The following RAD18 variants were observed in gnomAD, a reference collection of about 807,000 sequenced individuals.
RAD18 encodes RAD18 E3 ubiquitin protein ligase.
Under a neutral mutation model 60.4 loss-of-function variants are expected in RAD18, and 47 were observed. The ratio of observed to expected loss-of-function variants is 0.78; its 90% confidence interval spans 0.62 to 0.99. The LOEUF (loss-of-function observed/expected upper bound fraction) is 0.99, where lower values mean the gene tolerates loss of function less well. RAD18 is among the 50% of genes least tolerant of loss of function. The probability of loss-of-function intolerance (pLI) is 0.00; values close to 1 mark genes in which losing one functional copy is unlikely to be tolerated. For missense variants in RAD18, 640 were observed against 593.3 expected, an observed-to-expected ratio of 1.08 and a Z score of -0.82; for synonymous variants, 225 against 195.5, an observed-to-expected ratio of 1.15 and a Z score of -1.26.
rs537880184 is a variant in RAD18 at position 8,888,066 on chromosome 3, C to T, written c.1385+2323G>A. 2.0e-5 allele frequency among the ~76,000 whole-genome samples: 3 copies of T among 152,340 alleles called. No homozygotes were observed. The South Asian group carries it at 6.2e-4, about 32-fold the overall frequency. The stretch of plus-strand genomic sequence containing the variant: ...AAATTATTCAAACTAGCCAGTCCTG[C>T]ACTGTTCACCCCACCCTGCCTTGCC... On this transcript the variant is annotated intron_variant, in intron 12 of 12. Coordinates refer to ENST00000264926, the MANE Select transcript of RAD18 (RefSeq NM_020165.4).
Position 8,958,988 on chromosome 3 carries a change from A to C in RAD18, c.65T>G (p.Leu22Trp). 2.5e-6 allele frequency: 4 copies of C among 1,613,678 alleles called. No individual in the cohort carries two copies. In the South Asian group the frequency reaches 3.3e-5, roughly 13 times the overall value. ...CTCGAAGCAAATTCCACACCGCAGC[A>C]AATCATCTATTGTCTGAAATGCAAA... is the stretch of plus-strand genomic sequence containing the variant. ...GLAVMKTIDD[L>W]LRCGICFEYF... Residue 22 changes from leucine (L) to tryptophan (W), a missense_variant, in exon 2 of 13, where the codon TTG becomes TGG. Transcript: ENST00000264926.
At chr3:8,883,484 G>C (rs1575529755) in intron 12 of RAD18, among the ~76,000 whole-genome samples, 1 of 152,174 alleles carries the variant, frequency 6.6e-6, no homozygotes, top group African/African-American at 2.4e-5. Context: ...TGATTGAACA[G>C]TTCCTTAGAC....
At position 8,948,616 on chromosome 3, in the gene RAD18, T is replaced by C. The variant is rs370749281; in HGVS notation, c.134-46A>G. On this transcript the variant is annotated intron_variant, in intron 2 of 12. Transcript: ENST00000264926. ...CATAATGTTAATTAAGCTATATTAATAATACAGGAATATGACTTCTAACAA... is the reference window on the plus strand; with the variant it reads ...CATAATGTTAATTAAGCTATATTAACAATACAGGAATATGACTTCTAACAA... 3.4e-5 allele frequency: 50 copies of C among 1,474,608 alleles called. No individual in the cohort carries two copies. In the African/African-American group the frequency reaches 6.7e-4, roughly 20 times the overall value. The allele number at this position is 1,474,608 out of a possible 1,614,324, so 91.3% of individuals were successfully genotyped here. A position where few individuals can be genotyped will look rare whatever the true frequency, so the allele number is the denominator to read the frequency against.
intron 2 of RAD18, among the ~76,000 whole-genome samples, chr3:8,956,748 T>C (rs1025039365): frequency 1.1e-5 from 1 of 89,708 alleles, no homozygotes; most frequent in African/African-American, 1.8e-4. Flanking sequence ...CCATTCATGA[T>C]TTAAAAAAAA....
chr3:8,961,160 T>C (rs1188225638), intron 1 of RAD18, among the ~76,000 whole-genome samples: 3 of 152,210 alleles, frequency 2.0e-5, no homozygotes, highest in Non-Finnish European at 4.4e-5. Context: ...ATTGTGGAAG[T>C]TGACACTACA....
chr3:8,911,827 T>C (rs1187431103), intron 9 of RAD18, among the ~76,000 whole-genome samples: 1 of 152,196 alleles, frequency 6.6e-6, no homozygotes, highest in Non-Finnish European at 1.5e-5. Context: ...AAAACAGTAA[T>C]GTGTTAGCCC....
rs1575528186 is a variant in RAD18 at position 8,880,295 on chromosome 3, C to T, written c.*1062G>A. On this transcript the variant is annotated 3_prime_UTR_variant, in exon 13 of 13. Transcript: ENST00000264926. The stretch of plus-strand genomic sequence containing the variant: ...GAAGGGGAGGTCATAAATGTTGAAT[C>T]TGGCAAATCATAAATTTCTTGTCTT... The T allele has an allele frequency of 6.6e-6, 1 of 152,194 alleles. No homozygotes were observed. The highest frequency in any genetic ancestry group is 6.5e-5 in the Admixed American group (1 of 15,280). The allele number at this position is 152,194 out of a possible 1,614,324, so 9.4% of individuals were successfully genotyped here. A position where few individuals can be genotyped will look rare whatever the true frequency, so the allele number is the denominator to read the frequency against.
At chr3:8,922,224 G>T (rs1279664122) in intron 7 of RAD18, among the ~76,000 whole-genome samples, 1 of 152,206 alleles carries the variant, frequency 6.6e-6, no homozygotes, top group East Asian at 1.9e-4. Context: ...CTGGAAAATT[G>T]GGTCACTCCC....
Position 8,890,374 on chromosome 3 carries a change from A to T in RAD18, c.1385+15T>A, listed in dbSNP as rs1465538804. The T allele has an allele frequency of 6.4e-7, 1 of 1,552,484 alleles. No individual in the cohort carries two copies. Among genetic ancestry groups the T allele is most frequent in the Non-Finnish European group, 8.9e-7 (1 of 1,124,428 alleles). ...GGTCAAAGTGCATGCTTATTTCATG[A>T]TTATGAGAACTCACTTATGTGATGC... On this transcript the variant is annotated intron_variant, in intron 12 of 12. Coordinates refer to ENST00000264926, the MANE Select transcript of RAD18 (RefSeq NM_020165.4).
intron 2 of RAD18, among the ~76,000 whole-genome samples, chr3:8,956,415 T>C (rs926765142): frequency 1.3e-5 from 2 of 152,236 alleles, no homozygotes; most frequent in Non-Finnish European, 2.9e-5. Flanking sequence ...AAAGGGATGA[T>C]TCCCATCCTG....
chr3:8,896,929 G>A (rs1380676064), intron 11 of RAD18, among the ~76,000 whole-genome samples: 2 of 151,732 alleles, frequency 1.3e-5, no homozygotes, highest in Admixed American at 1.3e-4. Context: ...CTTATAAAAA[G>A]TAAACTGCTG....
At chr3:8,956,879 C>A (rs1489611304) in intron 2 of RAD18, among the ~76,000 whole-genome samples, 1 of 152,066 alleles carries the variant, frequency 6.6e-6, no homozygotes, top group Non-Finnish European at 1.5e-5. Flanking sequence ...AGACTGAATG[C>A]TTTCCCCAAA....
intron 12 of RAD18, among the ~76,000 whole-genome samples, chr3:8,889,288 AT>A (rs750449056): frequency 6.6e-6 from 1 of 152,204 alleles, no homozygotes; most frequent in Non-Finnish European, 1.5e-5. Flanking sequence ...TTATTGCTAT[AT>A]GACCTTGGGC....
At chr3:8,921,645 A>G (rs1940322626) in intron 7 of RAD18, among the ~76,000 whole-genome samples, 1 of 152,178 alleles carries the variant, frequency 6.6e-6, no homozygotes, top group Non-Finnish European at 1.5e-5. Context: ...ATCTTTAAAA[A>G]AAAACAAGAC....
Position 8,902,261 on chromosome 3 carries a change from A to C in RAD18, c.1168+119T>G. 10 of 957,490 alleles carry C rather than the reference A, an allele frequency of 1.0e-5. No individual in the cohort carries two copies. The Admixed American group carries it at 3.7e-4, about 36-fold the overall frequency. The allele number at this position is 957,490 out of a possible 1,614,324, so 59.3% of individuals were successfully genotyped here. A position where few individuals can be genotyped will look rare whatever the true frequency, so the allele number is the denominator to read the frequency against. ...TGCTACATGAAGTTTGTCTAAAAAT[A>C]CTTTTTCTCATTTCAAAGAACTAAG... On this transcript the variant is annotated intron_variant, in intron 10 of 12. Transcript: ENST00000264926.
chr3:8,957,062 A>G (rs1046287433), intron 2 of RAD18, among the ~76,000 whole-genome samples: 1 of 152,232 alleles, frequency 6.6e-6, no homozygotes. Flanking sequence ...TAAGGAATCA[A>G]CAAAAAAGAT....
At chr3:8,916,380 T>G (rs942873435) in intron 7 of RAD18, among the ~76,000 whole-genome samples, 2 of 152,158 alleles carry the variant, frequency 1.3e-5, no homozygotes, top group Non-Finnish European at 2.9e-5. Context: ...GTAACAGCAA[T>G]CTACTTCTAG....
intron 2 of RAD18, 77 bp from the exon 3 acceptor site, chr3:8,948,647 T>C (rs1377353580): frequency 2.4e-5 from 31 of 1,274,936 alleles, no homozygotes; most frequent in Non-Finnish European, 2.8e-5. Flanking sequence ...AACAAAATCT[T>C]AAGCCCTAGA....
chr3:8,923,915 C>G (rs12636355), intron 7 of RAD18, among the ~76,000 whole-genome samples: 18,145 of 152,202 alleles, frequency 0.12, 1,227 homozygotes, highest in East Asian at 0.23. Flanking sequence ...CTGAAGGAAG[C>G]ACTAAACGTG....
Sources: allele counts gnomAD v4.1 joint callset (sites outside exome capture counted in the v4.1 genomes callset), GRCh38; gene constraint gnomAD v4.1.1; transcripts MANE v1.5; gene names NCBI Gene and HGNC (gene_info 2026-07-23, HGNC 2026-07-21).